ABCA8: variants seen among roughly 807,000 people sequenced by gnomAD.
The protein encoded by ABCA8 is ABC-type organic anion transporter ABCA8.
In ABCA8, 177 loss-of-function variants were observed where a neutral mutation model predicts 192.3. The observed-to-expected ratio is 0.92, with a 90% CI of 0.81 to 1.04. The LOEUF (loss-of-function observed/expected upper bound fraction) is 1.04. ABCA8 is among the 50% of genes least tolerant of loss of function. ABCA8 has a pLI of 0.00. For missense variants in ABCA8, 1,915 were observed against 1,904.8 expected (o/e 1.01, Z -0.10); for synonymous variants, 642 against 690.2 (o/e 0.93, Z 1.09).
chr17:68,939,654 T>C (rs1030032881), intron 4 of ABCA8, among the ~76,000 whole-genome samples: 3 of 152,128 alleles, frequency 2.0e-5, no homozygotes, highest in African/African-American at 7.2e-5. Flanking sequence ...AAGCTGTATA[T>C]CGGAGGGGCA....
chr17:68,951,099 C>A (rs1233255017), intron 1 of ABCA8, among the ~76,000 whole-genome samples: 3 of 152,166 alleles, frequency 2.0e-5, no homozygotes, highest in African/African-American at 7.2e-5. Context: ...TACCATCAAG[C>A]CTATCCAAGA....
chr17:68,920,926 A>G (rs1042429722), intron 13 of ABCA8, among the ~76,000 whole-genome samples: 5 of 152,082 alleles, frequency 3.3e-5, no homozygotes, highest in Non-Finnish European at 2.9e-5. Context: ...CACTATTCAC[A>G]GTAGCAAAGA....
intron 11 of ABCA8, among the ~76,000 whole-genome samples, chr17:68,924,118 TG>T (rs1355683558): frequency 6.6e-6 from 1 of 152,058 alleles, no homozygotes; most frequent in Non-Finnish European, 1.5e-5. Context: ...CCCAGCACTT[TG>T]TGAGGCCAAG....
At chr17:68,924,270 T>C (rs1395249805) in intron 11 of ABCA8, among the ~76,000 whole-genome samples, 1 of 149,614 alleles carries the variant, frequency 6.7e-6, no homozygotes, top group African/African-American at 2.5e-5. Flanking sequence ...CGCTTGAACC[T>C]GGGAGGTGGA....
intron 7 of ABCA8, among the ~76,000 whole-genome samples, chr17:68,931,499 T>C (rs2067876250): frequency 6.6e-6 from 1 of 152,286 alleles, no homozygotes; most frequent in South Asian, 2.1e-4. Flanking sequence ...TTTCTCAAAG[T>C]TTTTTTATTT....
chr17:68,932,429 C>A lies in ABCA8; in HGVS notation c.656G>T (p.Gly219Val). 1 of 1,613,662 alleles carries A rather than the reference C, an allele frequency of 6.2e-7. No individual in the cohort carries two copies. The highest frequency in any genetic ancestry group is 8.5e-7 in the Non-Finnish European group (1 of 1,179,608). The change falls in exon 7 of 40, where the codon GGA becomes GTA. Residue 219 changes from glycine (G) to valine (V), a missense_variant. Gly to Val is a moderately radical substitution (Grantham distance 109, BLOSUM62 -3). Coordinates refer to ENST00000586539, the MANE Select transcript of ABCA8 (RefSeq NM_001288985.2). Reference sequence around the variant, plus strand: ...AAAAAGGTACAAATCAGTTATAACTCCTGATTGACCAATGAAGGAATGCAT... The same window carrying A: ...AAAAAGGTACAAATCAGTTATAACTACTGATTGACCAATGAAGGAATGCAT... Reference protein sequence around the residue: ...MKMHSFIGQSGVITDLYLFSC... With the variant: ...MKMHSFIGQSVVITDLYLFSC...
chr17:68,883,858 GA>G lies in ABCA8; in HGVS notation c.3639del (p.Leu1214PhefsTer16). ...FLIPFLHFII[F>X]LFTLRCLEWK... ...CATTCCAGACATCGAAGAGTAAAAAGAAAAATGATAAAATGAAGGAAAGGCT... is the reference window on the plus strand; with the variant it reads ...CATTCCAGACATCGAAGAGTAAAAAGAAAATGATAAAATGAAGGAAAGGCT... On this transcript the variant is annotated frameshift_variant, in exon 29 of 40. Transcript: ENST00000586539. LOFTEE classifies it high-confidence loss of function. The G allele has an allele frequency of 1.3e-6, 2 of 1,588,528 alleles. No homozygotes were observed. The highest frequency in any genetic ancestry group is 1.7e-6 in the Non-Finnish European group (2 of 1,167,714).
chr17:68,884,830 G>A, intron 27 of ABCA8: 1 of 985,292 alleles, frequency 1.0e-6, no homozygotes, highest in African/African-American at 1.7e-5. Flanking sequence ...CAGAAAAAAG[G>A]ACTTTGCTTA....
chr17:68,893,312 T>G (rs996093909), intron 23 of ABCA8, among the ~76,000 whole-genome samples: 4 of 152,206 alleles, frequency 2.6e-5, no homozygotes, highest in African/African-American at 9.6e-5. Flanking sequence ...AAACTTTTAG[T>G]TATTCTGGTT....
chr17:68,887,285 TCA>T, intron 25 of ABCA8, 49 bp downstream of exon 25: 1 of 1,471,178 alleles, frequency 6.8e-7, no homozygotes, highest in African/African-American at 1.4e-5. Flanking sequence ...TCAAATTAAA[TCA>T]CACAATGATA....
chr17:68,875,805 T>G, intron 35 of ABCA8, 72 bp from the exon 36 acceptor site: 5 of 1,516,306 alleles, frequency 3.3e-6, no homozygotes, highest in Non-Finnish European at 4.4e-6. Flanking sequence ...AGAAAAGAAT[T>G]TTTAACTGGC....
At chr17:68,924,002 T>C (rs2067619151) in intron 11 of ABCA8, among the ~76,000 whole-genome samples, 1 of 152,160 alleles carries the variant, frequency 6.6e-6, no homozygotes, top group Non-Finnish European at 1.5e-5. Context: ...TCTTTGTCCT[T>C]CTTTCTTACT....
At chr17:68,935,293 T>TGTGTGTGTGTGTGTGTGTG (rs1491187643) in intron 5 of ABCA8, among the ~76,000 whole-genome samples, 6 of 149,462 alleles carry the variant, frequency 4.0e-5, no homozygotes, top group South Asian at 2.1e-4. Context: ...TGTGTGTGTG[T>TGTGTGTGTGTGTGTGTGTG]TTCAGTAGAG....
At chr17:68,908,122 T>C (rs2067132921) in intron 17 of ABCA8, among the ~76,000 whole-genome samples, 2 of 152,114 alleles carry the variant, frequency 1.3e-5, no homozygotes. Context: ...ACTGGTGAGG[T>C]TACTCAGGAG....
intron 12 of ABCA8, among the ~76,000 whole-genome samples, chr17:68,922,001 T>C (rs1344817397): frequency 6.6e-6 from 1 of 151,938 alleles, no homozygotes; most frequent in Non-Finnish European, 1.5e-5. Flanking sequence ...TCTAAATACA[T>C]CTATTTCTAA....
chr17:68,872,744 C>G (rs953701719), intron 37 of ABCA8, among the ~76,000 whole-genome samples: 8 of 151,744 alleles, frequency 5.3e-5, no homozygotes, highest in African/African-American at 7.3e-5. Context: ...TCTGTGTAGG[C>G]CTCAGCTAAT....
Position 68,876,777 on chromosome 17 carries a change from G to T in ABCA8, c.4200-74C>A, listed in dbSNP as rs1014665257. ...ATAAGAGGATAACCCAAGCAAGGGTGGAGAAGCAGAACTCAAAAATGCAGT... is the reference window on the plus strand; with the variant it reads ...ATAAGAGGATAACCCAAGCAAGGGTTGAGAAGCAGAACTCAAAAATGCAGT... On this transcript the variant is annotated intron_variant, in intron 33 of 39. Transcript: ENST00000586539. 2.5e-6 allele frequency: 4 copies of T among 1,582,692 alleles called. No individual in the cohort carries two copies. In the African/African-American group the frequency reaches 5.4e-5, roughly 21 times the overall value.
intron 5 of ABCA8, among the ~76,000 whole-genome samples, chr17:68,934,218 C>T (rs1416570210): frequency 2.0e-5 from 3 of 151,856 alleles, no homozygotes; most frequent in African/African-American, 7.3e-5. Flanking sequence ...TATGGAATCC[C>T]ATTGCAGGAA....
intron 17 of ABCA8, among the ~76,000 whole-genome samples, chr17:68,915,240 C>T (rs990193346): frequency 6.6e-6 from 1 of 151,942 alleles, no homozygotes; most frequent in Non-Finnish European, 1.5e-5. Flanking sequence ...GATTTCTCTA[C>T]CCCACAAGCA....
Sources: gnomAD v4.1 joint callset for allele counts (sites outside exome capture counted in the v4.1 genomes callset) on GRCh38, gnomAD v4.1.1 for gene constraint, MANE v1.5 for transcripts, NCBI Gene and HGNC (gene_info 2026-07-23, HGNC 2026-07-21) for gene names.